The following ZSCAN23 variants were observed in gnomAD, a reference collection of about 807,000 sequenced individuals.
ZSCAN23 encodes the protein zinc finger and SCAN domain-containing protein 23.
A neutral mutation model predicts 19.3 loss-of-function variants in ZSCAN23; 19 were observed. That is an observed-to-expected ratio of 0.99 (90% CI 0.69 to 1.45). The LOEUF (loss-of-function observed/expected upper bound fraction) is 1.45. Among genes scored for constraint, ZSCAN23 ranks in the 40% most tolerant of loss-of-function variants. ZSCAN23 has a pLI of 0.00. For missense variants in ZSCAN23, 372 were observed against 462.5 expected (o/e 0.80, Z 1.79); for synonymous variants, 140 against 166.2 (o/e 0.84, Z 1.21).
At chr6:28,437,971 C>T (rs986485455) in intron 1 of ZSCAN23, among the ~76,000 whole-genome samples, 1 of 151,916 alleles carries the variant, frequency 6.6e-6, no homozygotes, top group African/African-American at 2.4e-5. Flanking sequence ...GGTTGTGACA[C>T]ACCACATAGA....
intron 1 of ZSCAN23, among the ~76,000 whole-genome samples, chr6:28,436,959 T>C (rs1761903045): frequency 6.6e-6 from 1 of 152,204 alleles, no homozygotes; most frequent in South Asian, 2.1e-4. Context: ...CCTTGGTCTC[T>C]TCAATCTATA....
rs1256065177 is a variant in ZSCAN23, at chr6:28,436,464, T to C, written c.-77-121A>G. The C allele has an allele frequency of 1.0e-5, 5 of 492,004 alleles. No individual in the cohort carries two copies. In the Admixed American group the frequency reaches 1.8e-4, roughly 18 times the overall value. The allele number at this position is 492,004 out of a possible 1,614,324, so 30.5% of individuals were successfully genotyped here. A position where few individuals can be genotyped will look rare whatever the true frequency, so the allele number is the denominator to read the frequency against. On this transcript the variant is annotated intron_variant, in intron 1 of 3. Transcript: ENST00000289788. Reference sequence around the variant, plus strand: ...CTCATGAAGGAACACCAAAACCTGATTAATGATAGATACTTTAGAAATACA... The same window carrying C: ...CTCATGAAGGAACACCAAAACCTGACTAATGATAGATACTTTAGAAATACA...
At chr6:28,430,209 C>T (rs181757457), downstream of ZSCAN23, among the ~76,000 whole-genome samples, 136 of 152,248 alleles carry the variant, frequency 8.9e-4, 1 homozygote, top group Admixed American at 8.0e-3. Flanking sequence ...GGGTCTTTCC[C>T]TCTATCCTCA....
At chr6:28,422,397 G>C in the ZSCAN23 span, among the ~76,000 whole-genome samples, 1 of 152,120 alleles carries the variant, frequency 6.6e-6, no homozygotes, top group Non-Finnish European at 1.5e-5. This position sits in a 1 kb window ranked among gnomAD's most constrained non-coding sequence, Gnocchi z 4.0. Flanking sequence ...AACTTGAAAA[G>C]ATATCCATAA....
intron 1 of ZSCAN23, among the ~76,000 whole-genome samples, chr6:28,439,045 T>C (rs544790862): frequency 2.0e-5 from 3 of 152,192 alleles, no homozygotes; most frequent in Non-Finnish European, 4.4e-5. Flanking sequence ...CCCCAGGAAA[T>C]GTACAGAGGA....
At chr6:28,436,830 G>A (rs1399540158) in intron 1 of ZSCAN23, among the ~76,000 whole-genome samples, 1 of 152,192 alleles carries the variant, frequency 6.6e-6, no homozygotes. Context: ...AGAAGGTAGA[G>A]TCCCTCCAGC....
At chr6:28,427,040 G>C (rs190543688), downstream of ZSCAN23, among the ~76,000 whole-genome samples, 1 of 152,276 alleles carries the variant, frequency 6.6e-6, no homozygotes, top group South Asian at 2.1e-4. Context: ...TGATCCACCC[G>C]CCTCGGCCTC....
chr6:28,425,376 G>A, the ZSCAN23 span, among the ~76,000 whole-genome samples: 1 of 152,154 alleles, frequency 6.6e-6, no homozygotes, highest in Non-Finnish European at 1.5e-5. Flanking sequence ...TACCCAGGCT[G>A]GAGTGCAGTG....
chr6:28,440,449 C>A (rs1331278373), intron 1 of ZSCAN23, among the ~76,000 whole-genome samples: 1 of 152,062 alleles, frequency 6.6e-6, no homozygotes, highest in Non-Finnish European at 1.5e-5. Context: ...TGATAATCAT[C>A]CAGGGAAGAG....
intron 1 of ZSCAN23, among the ~76,000 whole-genome samples, chr6:28,437,944 A>T (rs951588241): frequency 1.3e-5 from 2 of 152,048 alleles, no homozygotes; most frequent in Non-Finnish European, 2.9e-5. Context: ...TTTGTGGGTT[A>T]TAAAATCTAT....
At chr6:28,435,682 G>A (rs1761868374) in intron 2 of ZSCAN23, 75 bp from the exon 3 acceptor site, 2 of 1,466,280 alleles carry the variant, frequency 1.4e-6, no homozygotes, top group Non-Finnish European at 1.8e-6. Flanking sequence ...AGGGCCGCTG[G>A]ATAGAAAAGA....
chr6:28,436,471 T>TA, intron 1 of ZSCAN23, 128 bp from the exon 2 acceptor site: 1 of 466,500 alleles, frequency 2.1e-6, no homozygotes, highest in Admixed American at 3.8e-5. Context: ...TGATTAATGA[T>TA]AGATACTTTA....
intron 3 of ZSCAN23, 80 bp from the exon 4 acceptor site, chr6:28,435,158 T>G (rs879642099): frequency 9.7e-6 from 14 of 1,437,834 alleles, no homozygotes; most frequent in Non-Finnish European, 1.3e-5. Flanking sequence ...AGAAAAAAAG[T>G]GGCCAGGAGA....
At position 28,433,642 on chromosome 6, in the gene ZSCAN23, G is replaced by C. The variant is rs542122510; in HGVS notation, c.*823C>G. On this transcript the variant is annotated 3_prime_UTR_variant, in exon 4 of 4. Transcript: ENST00000289788. ...GGTTATAAAAACAATCAACATGAAA[G>C]AGTGATCATACTCTTCTCTTCAATC... 6.6e-6 allele frequency: 1 copy of C among 152,088 alleles called. No individual in the cohort carries two copies. The highest frequency in any genetic ancestry group is 2.4e-5 in the African/African-American group (1 of 41,498). The allele number at this position is 152,088 out of a possible 1,614,324, so 9.4% of individuals were successfully genotyped here. A position where few individuals can be genotyped will look rare whatever the true frequency, so the allele number is the denominator to read the frequency against.
the ZSCAN23 span, among the ~76,000 whole-genome samples, chr6:28,424,998 A>G: frequency 6.6e-6 from 1 of 152,158 alleles, no homozygotes; most frequent in South Asian, 2.1e-4. Flanking sequence ...TGGCAGCTAT[A>G]CCCTTACAAA....
At chr6:28,432,110 AT>A (rs1323325315), downstream of ZSCAN23, 2 of 152,320 alleles carry the variant, frequency 1.3e-5, no homozygotes, top group South Asian at 2.1e-4. Flanking sequence ...CCTTTACAAA[AT>A]TTTTAAGGCA....
At chr6:28,435,428 G>A in intron 3 of ZSCAN23, 32 bp downstream of exon 3, 4 of 1,547,234 alleles carry the variant, frequency 2.6e-6, no homozygotes, top group African/African-American at 1.4e-5. Context: ...CAGGGAATGA[G>A]GTAGGCTGTC....
Position 28,434,438 on chromosome 6 carries a change from ATAT to A in ZSCAN23, c.*24_*26del. The A allele has an allele frequency of 6.7e-7, 1 of 1,500,798 alleles. No individual in the cohort carries two copies. 93.0% of individuals were successfully genotyped at this position (1,500,798 alleles called of 1,614,324 possible). A position where few individuals can be genotyped will look rare whatever the true frequency, so the allele number is the denominator to read the frequency against. ...GGACACAGCAGGGACAAAGTAAGAA[ATAT>A]TATCCCCTACCTGTTCCAAGGAGCT... On this transcript the variant is annotated 3_prime_UTR_variant, in exon 4 of 4. Coordinates refer to ENST00000289788, the MANE Select transcript of ZSCAN23 (RefSeq NM_001012455.2).
At chr6:28,431,215 C>G (rs1292346959), downstream of ZSCAN23, among the ~76,000 whole-genome samples, 1 of 152,134 alleles carries the variant, frequency 6.6e-6, no homozygotes, top group Non-Finnish European at 1.5e-5. Flanking sequence ...CCTAAGTCTC[C>G]AACAGCCTTT....
Sources: allele counts gnomAD v4.1 joint callset (sites outside exome capture counted in the v4.1 genomes callset), GRCh38; gene constraint gnomAD v4.1.1; non-coding constraint Gnocchi (gnomAD v3.1); transcripts MANE v1.5; gene names NCBI Gene and HGNC (gene_info 2026-07-23, HGNC 2026-07-21).